SCN9A: variants seen among roughly 807,000 people sequenced by gnomAD.
SCN9A encodes the protein sodium voltage-gated channel alpha subunit 9, also known as sodium channel protein type 9 subunit alpha.
In SCN9A, 131 loss-of-function variants were observed where a neutral mutation model predicts 187.0. The observed-to-expected ratio is 0.70, with a 90% CI of 0.61 to 0.81. SCN9A has a LOEUF of 0.81. Among genes scored for constraint, SCN9A ranks in the 30% least tolerant of loss-of-function variants. The pLI is 0.00. For synonymous variants in SCN9A, 809 were observed against 808.6 expected (o/e 1.00, Z -0.01); for missense variants, 2,252 against 2,396.6 (o/e 0.94, Z 1.26).
chr2:166,286,510 T>C lies in SCN9A; in HGVS notation c.1428A>G (p.Arg476=). 6.2e-7 allele frequency: 1 copy of C among 1,613,556 alleles called. No individual in the cohort carries two copies. Among genetic ancestry groups the C allele is most frequent in the Non-Finnish European group, 8.5e-7 (1 of 1,179,766 alleles). Residue 476 remains arginine (R), a synonymous_variant, in exon 11 of 27, where the codon AGA becomes AGG. Coordinates refer to ENST00000642356, the MANE Select transcript of SCN9A (RefSeq NM_001365536.1). ...SKLSSKSAKE[R]RNRRKKKNQK... ...GATTCTTTTTCTTTCTTCTGTTTCT[T>C]CTTTCTTTAGCACTTTTAGAGCTCA...
chr2:166,375,351 A>C (rs976947385), intron 1 of SCN9A, among the ~76,000 whole-genome samples: 3 of 152,192 alleles, frequency 2.0e-5, no homozygotes, highest in Non-Finnish European at 4.4e-5. Context: ...AAGTCCATCT[A>C]ACAACTCTGC....
At position 166,293,211 on chromosome 2, in the gene SCN9A, A is replaced by G; in HGVS notation, c.1107+20T>C. ...CATATGCCATTCAAAAATACAATGC[A>G]TGTTTCTCTTGGTACTCACCTGTTG... is the stretch of plus-strand genomic sequence containing the variant. On this transcript the variant is annotated intron_variant, in intron 9 of 26. Transcript: ENST00000642356. 1 of 1,568,910 alleles carries G rather than the reference A, an allele frequency of 6.4e-7. No homozygotes were observed. Among genetic ancestry groups the G allele is most frequent in the Non-Finnish European group, 8.7e-7 (1 of 1,154,494 alleles).
At chr2:166,292,319 T>TA (rs1310171770) in intron 9 of SCN9A, among the ~76,000 whole-genome samples, 2 of 152,156 alleles carry the variant, frequency 1.3e-5, no homozygotes, top group Non-Finnish European at 2.9e-5. Context: ...CAACTGATAT[T>TA]AAATGAAAAA....
At chr2:166,282,017 A>G (rs2106478909) in intron 12 of SCN9A, among the ~76,000 whole-genome samples, 2 of 152,322 alleles carry the variant, frequency 1.3e-5, no homozygotes, top group South Asian at 4.1e-4. Context: ...GGGGATAATC[A>G]TAGTGCTTGC....
intron 24 of SCN9A, among the ~76,000 whole-genome samples, chr2:166,209,497 A>G (rs781670423): frequency 7.9e-5 from 12 of 152,106 alleles, no homozygotes; most frequent in Admixed American, 1.3e-4. Context: ...CACACACACA[A>G]AAAGTCAAAT....
chr2:166,340,888 G>T (rs1313981109), intron 1 of SCN9A, among the ~76,000 whole-genome samples: 1 of 152,042 alleles, frequency 6.6e-6, no homozygotes. Context: ...CTCCCAAAGT[G>T]CTGGGATTGC....
At chr2:166,338,234 A>G (rs1354251592) in intron 1 of SCN9A, among the ~76,000 whole-genome samples, 3 of 152,128 alleles carry the variant, frequency 2.0e-5, no homozygotes, top group Non-Finnish European at 4.4e-5. Flanking sequence ...ACCCTTATCA[A>G]TTGTAACAAC....
intron 16 of SCN9A, among the ~76,000 whole-genome samples, chr2:166,273,363 C>T (rs1243326284): frequency 6.6e-6 from 1 of 152,116 alleles, no homozygotes; most frequent in Non-Finnish European, 1.5e-5. Flanking sequence ...GTCACTTGTT[C>T]TAACAAATGG....
chr2:166,357,852 G>A (rs1700185824), intron 1 of SCN9A, among the ~76,000 whole-genome samples: 1 of 151,974 alleles, frequency 6.6e-6, no homozygotes, highest in Non-Finnish European at 1.5e-5. Context: ...ACCAAACAGG[G>A]AAAGATGCCA....
intron 24 of SCN9A, among the ~76,000 whole-genome samples, chr2:166,222,960 A>AAAAAAAAAAAAAAC (rs1694679587): frequency 6.8e-6 from 1 of 146,692 alleles, no homozygotes; most frequent in Admixed American, 6.8e-5. Flanking sequence ...AAAAAAAAAA[A>AAAAAAAAAAAAAAC]AAAAAAAAAA....
intron 1 of SCN9A, among the ~76,000 whole-genome samples, chr2:166,341,699 G>A (rs751175785): frequency 1.3e-5 from 2 of 152,164 alleles, no homozygotes; most frequent in African/African-American, 2.4e-5. Context: ...AAGTCTGGGA[G>A]ATTTCCTATA....
Position 166,356,142 on chromosome 2 carries a change from T to A in SCN9A, c.-51+19555A>T, listed in dbSNP as rs113610968. ...GTGAGGCTGCTTCTTTACCTCAAAC[T>A]GAACTATCCTGCTCAGCCTCTGCCT... On this transcript the variant is annotated intron_variant, in intron 1 of 26. Transcript: ENST00000642356. Among the ~76,000 whole-genome samples the A allele has an allele frequency of 8.6e-3, 1,305 of 152,266 alleles. 7 individuals are homozygous for A. Among genetic ancestry groups the A allele is most frequent in the South Asian group, 0.015 (72 of 4,818 alleles).
chr2:166,277,473 C>A (rs1176222206), intron 15 of SCN9A, 134 bp from the exon 16 acceptor site: 2 of 594,638 alleles, frequency 3.4e-6, no homozygotes, highest in East Asian at 5.6e-5. Flanking sequence ...CTAAAATATT[C>A]TTATTTTTCA....
intron 22 of SCN9A, 105 bp from the exon 23 acceptor site, chr2:166,227,828 T>C: frequency 1.4e-6 from 1 of 696,010 alleles, no homozygotes; most frequent in Non-Finnish European, 2.6e-6. Flanking sequence ...TAAGTAATAC[T>C]AGTAAGTTTT....
chr2:166,297,333 A>G (rs749898969), intron 7 of SCN9A, among the ~76,000 whole-genome samples: 2 of 151,946 alleles, frequency 1.3e-5, no homozygotes, highest in Non-Finnish European at 2.9e-5. Flanking sequence ...AACATTATGC[A>G]TTATAACCAA....
At chr2:166,309,073 T>A (rs1440982697) in intron 2 of SCN9A, among the ~76,000 whole-genome samples, 1 of 151,598 alleles carries the variant, frequency 6.6e-6, no homozygotes, top group Non-Finnish European at 1.5e-5. Context: ...GTAACTAATA[T>A]AAGGCAAGAT....
intron 7 of SCN9A, among the ~76,000 whole-genome samples, chr2:166,297,419 T>G (rs974484195): frequency 6.6e-6 from 1 of 152,040 alleles, no homozygotes; most frequent in African/African-American, 2.4e-5. Context: ...CAATGAAATA[T>G]CATTTAGCAA....
At chr2:166,304,366 A>T in intron 5 of SCN9A, 37 bp from the exon 6 acceptor site, 1 of 1,558,608 alleles carries the variant, frequency 6.4e-7, no homozygotes, top group Non-Finnish European at 8.8e-7. Flanking sequence ...GAATTTAGAT[A>T]GAGTCTATGA....
At position 166,337,669 on chromosome 2, in the gene SCN9A, G is replaced by A. The variant is rs184317901; in HGVS notation, c.-50-25863C>T. ...AGGAAAGTTGAGTTGGAATTCAGCAGATGGATATGGTCGTATGTATATTTC... is the reference window on the plus strand; with the variant it reads ...AGGAAAGTTGAGTTGGAATTCAGCAAATGGATATGGTCGTATGTATATTTC... On this transcript the variant is annotated intron_variant, in intron 1 of 26. Coordinates refer to ENST00000642356, the MANE Select transcript of SCN9A (RefSeq NM_001365536.1). Among the ~76,000 whole-genome samples the A allele has an allele frequency of 2.1e-3, 327 of 152,250 alleles. 3 individuals are homozygous for A. Among genetic ancestry groups the A allele is most frequent in the Non-Finnish European group, 3.3e-3 (226 of 68,018 alleles).
Sources: gnomAD v4.1 joint callset for allele counts (sites outside exome capture counted in the v4.1 genomes callset) on GRCh38, gnomAD v4.1.1 for gene constraint, MANE v1.5 for transcripts, NCBI Gene and HGNC (gene_info 2026-07-23, HGNC 2026-07-21) for gene names.